Variants in MOB3B observed in about 807,000 individuals in gnomAD.
The protein encoded by MOB3B is MOB kinase activator-like 2B.
MOB3B carries 7 observed loss-of-function variants against 18.7 expected under a neutral mutation model. The observed-to-expected ratio is 0.37, with a 90% CI of 0.21 to 0.70. The LOEUF (loss-of-function observed/expected upper bound fraction) is 0.70, where lower values mean the gene tolerates loss of function less well. Ranked by LOEUF, MOB3B falls within the 30% of genes least tolerant of loss-of-function variation. The pLI is 0.52. For missense variants in MOB3B, 253 were observed against 281.3 expected (o/e 0.90, Z 0.72); for synonymous variants, 111 against 99.9 (o/e 1.11, Z -0.66).
In MOB3B at chr9:27,470,086, G is replaced by A. The variant is rs149940340; in HGVS notation, c.-198-14338C>T. Among the ~76,000 whole-genome samples the A allele has an allele frequency of 7.6e-3, 1,030 of 134,736 alleles. 11 individuals carry two copies. Among genetic ancestry groups the A allele is most frequent in the African/African-American group, 0.026 (949 of 36,442 alleles). The allele number at this position is 134,736 out of a possible 152,430, so 88.4% of individuals were successfully genotyped here. On this transcript the variant is annotated intron_variant, in intron 1 of 3. Coordinates refer to ENST00000262244, the MANE Select transcript of MOB3B (RefSeq NM_024761.5). ...ATCATGTCACTGCATTCCAGCATGG[G>A]CACAGAGTGAGACCCTGTCTCTTAA...
intron 1 of MOB3B, among the ~76,000 whole-genome samples, chr9:27,515,584 A>G (rs1045747184): frequency 6.6e-6 from 1 of 152,348 alleles, no homozygotes; most frequent in East Asian, 1.9e-4. Flanking sequence ...CTTTATTATT[A>G]TTAATAGCTA....
At position 27,443,637 on chromosome 9, in the gene MOB3B, AT is replaced by A. The variant is rs1202110225; in HGVS notation, c.418+11495del. ...TCCAATCAGGAACCCCTACTTTTCA[AT>A]TTCTTAATCATCTTAGAGACCATAC... On this transcript the variant is annotated intron_variant, in intron 2 of 3. Coordinates refer to ENST00000262244, the MANE Select transcript of MOB3B (RefSeq NM_024761.5). Among the ~76,000 whole-genome samples the A allele has an allele frequency of 2.0e-5, 3 of 152,116 alleles. No homozygotes were observed. The East Asian group carries it at 5.8e-4, about 29-fold the overall frequency.
At chr9:27,510,620 G>T (rs1316824132) in intron 1 of MOB3B, among the ~76,000 whole-genome samples, 1 of 152,106 alleles carries the variant, frequency 6.6e-6, no homozygotes, top group Non-Finnish European at 1.5e-5. Context: ...AAATATATAT[G>T]GTGTTCTAAA....
chr9:27,514,265 T>C (rs1820194791), intron 1 of MOB3B, among the ~76,000 whole-genome samples: 1 of 150,650 alleles, frequency 6.6e-6, no homozygotes, highest in African/African-American at 2.5e-5. Context: ...TCCTGGTTTT[T>C]AATTTTAAGA....
chr9:27,395,772 A>G (rs1821789157), intron 2 of MOB3B, among the ~76,000 whole-genome samples: 1 of 152,212 alleles, frequency 6.6e-6, no homozygotes, highest in Non-Finnish European at 1.5e-5. Context: ...CAAGCTGACC[A>G]GGGCTGAGTC....
intron 2 of MOB3B, among the ~76,000 whole-genome samples, chr9:27,417,450 G>C (rs1312825655): frequency 6.6e-6 from 1 of 152,128 alleles, no homozygotes; most frequent in African/African-American, 2.4e-5. Context: ...GAAAGAAAAA[G>C]AGAGACACCC....
At chr9:27,481,951 AT>A (rs898925984) in intron 1 of MOB3B, among the ~76,000 whole-genome samples, 26 of 151,990 alleles carry the variant, frequency 1.7e-4, no homozygotes, top group East Asian at 5.8e-4. Flanking sequence ...TCAGCCATGA[AT>A]TTTTTTTTAA....
chr9:27,380,878 TG>T (rs1314120783), intron 2 of MOB3B, among the ~76,000 whole-genome samples: 3 of 152,142 alleles, frequency 2.0e-5, no homozygotes, highest in East Asian at 1.9e-4. Flanking sequence ...AGAAGATGTC[TG>T]GGGCTTTCCA....
rs1821233689 is a variant in MOB3B at position 27,359,057 on chromosome 9, C to G, written c.598G>C (p.Asp200His). Residue 200 changes from aspartate (D) to histidine (H), a missense_variant, in exon 3 of 4, where the codon GAC becomes CAC. Asp to His is a moderately conservative substitution (Grantham distance 81). Transcript: ENST00000262244. Reference protein sequence around the residue: ...YYFVTEMNLIDRKELEPLKEM... With the variant: ...YYFVTEMNLIHRKELEPLKEM... Reference sequence around the variant, plus strand: ...ACCAAAGGCTCTAGCTCCTTGCGGTCTATGAGGTTCATCTCTGTGACAAAG... The same window carrying G: ...ACCAAAGGCTCTAGCTCCTTGCGGTGTATGAGGTTCATCTCTGTGACAAAG... The G allele has an allele frequency of 6.2e-7, 1 of 1,614,024 alleles. No homozygotes were observed. Among genetic ancestry groups the G allele is most frequent in the Admixed American group, 1.7e-5 (1 of 59,986 alleles).
chr9:27,334,106 GAGA>G (rs1820829564), intron 3 of MOB3B, among the ~76,000 whole-genome samples: 1 of 152,122 alleles, frequency 6.6e-6, no homozygotes, highest in Admixed American at 6.5e-5. Flanking sequence ...GCCTGAATCT[GAGA>G]AGAACATTAA....
At chr9:27,333,244 A>C (rs750079125) in intron 3 of MOB3B, among the ~76,000 whole-genome samples, 9 of 152,194 alleles carry the variant, frequency 5.9e-5, no homozygotes, top group Non-Finnish European at 8.8e-5. Flanking sequence ...TTGAAATAGC[A>C]GATCAGAAAC....
At chr9:27,356,482 A>G (rs182213336) in intron 3 of MOB3B, among the ~76,000 whole-genome samples, 7 of 152,228 alleles carry the variant, frequency 4.6e-5, no homozygotes, top group Admixed American at 6.5e-5. Flanking sequence ...ATAGAAAATA[A>G]CTGAGTTTTC....
intron 2 of MOB3B, among the ~76,000 whole-genome samples, chr9:27,450,659 A>T (rs1822769497): frequency 6.6e-6 from 1 of 152,196 alleles, no homozygotes; most frequent in African/African-American, 2.4e-5. Context: ...GGAATCTGTG[A>T]AATAATAATA....
chr9:27,358,900 C>G (rs368612868), intron 3 of MOB3B, 134 bp downstream of exon 3: 1 of 919,560 alleles, frequency 1.1e-6, no homozygotes, highest in African/African-American at 1.6e-5. Context: ...GACCACTAAA[C>G]CCCATTCAAT....
At chr9:27,511,122 C>T (rs1820135623) in intron 1 of MOB3B, among the ~76,000 whole-genome samples, 1 of 151,462 alleles carries the variant, frequency 6.6e-6, no homozygotes, top group African/African-American at 2.4e-5. Context: ...TCATTTTTGT[C>T]AGAAGCCAGG....
intron 3 of MOB3B, among the ~76,000 whole-genome samples, chr9:27,339,950 AC>A (rs892443052): frequency 6.6e-6 from 1 of 152,236 alleles, no homozygotes; most frequent in Admixed American, 6.5e-5. Context: ...CAGCCAGTCT[AC>A]AAAAATATTT....
chr9:27,483,026 C>T (rs913288404), intron 1 of MOB3B, among the ~76,000 whole-genome samples: 1 of 147,890 alleles, frequency 6.8e-6, no homozygotes, highest in African/African-American at 2.6e-5. Context: ...GGTGCACATA[C>T]ATATTTGAGG....
At chr9:27,333,109 G>A (rs1210803099) in intron 3 of MOB3B, among the ~76,000 whole-genome samples, 2 of 152,140 alleles carry the variant, frequency 1.3e-5, no homozygotes, top group Non-Finnish European at 2.9e-5. Context: ...AAATATGGCA[G>A]AGTTTTTTTT....
chr9:27,476,939 C>G (rs1819562473), intron 1 of MOB3B, among the ~76,000 whole-genome samples: 1 of 152,154 alleles, frequency 6.6e-6, no homozygotes, highest in African/African-American at 2.4e-5. Flanking sequence ...TCCAAGAGAT[C>G]CAGGCTCTCT....
Sources: allele counts gnomAD v4.1 joint callset (sites outside exome capture counted in the v4.1 genomes callset), GRCh38; gene constraint gnomAD v4.1.1; transcripts MANE v1.5; gene names NCBI Gene and HGNC (gene_info 2026-07-23, HGNC 2026-07-21).